CACNA2D3: variants seen among roughly 807,000 people sequenced by gnomAD.
CACNA2D3 encodes voltage-dependent calcium channel subunit alpha-2/delta-3.
In CACNA2D3, 60 loss-of-function variants were observed where a neutral mutation model predicts 160.6. The observed-to-expected ratio is 0.37, with a 90% CI of 0.30 to 0.46. The LOEUF (loss-of-function observed/expected upper bound fraction) is 0.46. Ranked by LOEUF, CACNA2D3 falls within the 20% of genes least tolerant of loss-of-function variation. The pLI is 1.00. For missense variants in CACNA2D3, 1,205 were observed against 1,365.0 expected, an observed-to-expected ratio of 0.88 and a Z score of 1.85; for synonymous variants, 558 against 492.9, an observed-to-expected ratio of 1.13 and a Z score of -1.75.
chr3:54,538,728 C>T (rs776610416), intron 5 of CACNA2D3, among the ~76,000 whole-genome samples: 11 of 152,238 alleles, frequency 7.2e-5, no homozygotes, highest in Non-Finnish European at 1.0e-4. Flanking sequence ...TGCAAAGATG[C>T]GGAGAATTAT....
At chr3:54,816,047 G>C (rs1170749904) in intron 13 of CACNA2D3, among the ~76,000 whole-genome samples, 3 of 152,112 alleles carry the variant, frequency 2.0e-5, no homozygotes, top group African/African-American at 7.2e-5. Context: ...CGTAAATGTT[G>C]ATCTTTTTCC....
chr3:54,492,447 C>T (rs1057097331), intron 4 of CACNA2D3, among the ~76,000 whole-genome samples: 1 of 152,198 alleles, frequency 6.6e-6, no homozygotes, highest in South Asian at 2.1e-4. Context: ...TTTCCCTTAT[C>T]CCAGGCCATA....
At chr3:54,409,120 A>T (rs189346976) in intron 4 of CACNA2D3, among the ~76,000 whole-genome samples, 10 of 152,306 alleles carry the variant, frequency 6.6e-5, no homozygotes, top group Admixed American at 2.6e-4. Flanking sequence ...TGTTTTTACA[A>T]ATTAAAGCTT....
chr3:54,598,346 AAAAG>A (rs1702999534), intron 9 of CACNA2D3, among the ~76,000 whole-genome samples: 1 of 151,070 alleles, frequency 6.6e-6, no homozygotes, highest in Non-Finnish European at 1.5e-5. Flanking sequence ...GAAAGGAAAA[AAAAG>A]AAAAAAGAAA....
chr3:54,829,885 C>CTTTTTTTTTT (rs58291013), intron 14 of CACNA2D3, among the ~76,000 whole-genome samples: 6 of 64,310 alleles, frequency 9.3e-5, no homozygotes, highest in Non-Finnish European at 1.1e-4. Context: ...TCTTCTTCAT[C>CTTTTTTTTTT]TTTTTTTTTT....
At chr3:54,206,728 T>A (rs1264981633) in intron 2 of CACNA2D3, among the ~76,000 whole-genome samples, 1 of 152,224 alleles carries the variant, frequency 6.6e-6, no homozygotes, top group Non-Finnish European at 1.5e-5. Flanking sequence ...ATTTCCTTCC[T>A]GCATTTCCTT....
At chr3:54,832,327 TG>T (rs1703899110) in intron 14 of CACNA2D3, among the ~76,000 whole-genome samples, 1 of 152,184 alleles carries the variant, frequency 6.6e-6, no homozygotes, top group South Asian at 2.1e-4. Flanking sequence ...CAGCCTGGGT[TG>T]GCTGTCCATC....
At chr3:54,461,901 G>C (rs559510796) in intron 4 of CACNA2D3, among the ~76,000 whole-genome samples, 46 of 152,224 alleles carry the variant, frequency 3.0e-4, no homozygotes, top group South Asian at 1.0e-3. Flanking sequence ...CCTGCTTTCT[G>C]TTGTGGGCAT....
At chr3:54,453,478 T>A (rs1227542099) in intron 4 of CACNA2D3, among the ~76,000 whole-genome samples, 1 of 150,212 alleles carries the variant, frequency 6.7e-6, no homozygotes, top group Non-Finnish European at 1.5e-5. Context: ...ACACCATCCC[T>A]CTCAGGACTT....
At chr3:54,324,831 G>C (rs372864987) in intron 3 of CACNA2D3, among the ~76,000 whole-genome samples, 8 of 152,120 alleles carry the variant, frequency 5.3e-5, no homozygotes, top group African/African-American at 1.7e-4. Flanking sequence ...TAGAGGAAAG[G>C]ATATGCACCA....
In CACNA2D3 at chr3:55,073,541, A is replaced by G; in HGVS notation, c.3084A>G (p.Ala1028=). The change falls in exon 36 of 38, where the codon GCA becomes GCG. Residue 1028 remains alanine (A), a synonymous_variant. Coordinates refer to ENST00000474759, the MANE Select transcript of CACNA2D3 (RefSeq NM_018398.3). ...AATCTGTGGCCCCCATCACCATGGC[A>G]CCCATTGAAATCAGGTATATCCTTT... ...LCESVAPITM[A]PIEIRYNESL... The G allele has an allele frequency of 1.2e-6, 2 of 1,613,588 alleles. No homozygotes were observed. Among genetic ancestry groups the G allele is most frequent in the Non-Finnish European group, 1.7e-6 (2 of 1,179,602 alleles).
At chr3:54,870,605 C>T (rs775609186) in intron 17 of CACNA2D3, among the ~76,000 whole-genome samples, 7 of 152,082 alleles carry the variant, frequency 4.6e-5, no homozygotes, top group South Asian at 2.1e-4. Context: ...CAAGAACGTC[C>T]GGTCGATAAA....
At chr3:54,570,315 A>C (rs576165080) in intron 8 of CACNA2D3, among the ~76,000 whole-genome samples, 1 of 152,270 alleles carries the variant, frequency 6.6e-6, no homozygotes, top group Admixed American at 6.5e-5. Flanking sequence ...TGCCTGTCTT[A>C]ACCTACCACA....
intron 2 of CACNA2D3, among the ~76,000 whole-genome samples, chr3:54,149,807 G>A (rs868674971): frequency 9.3e-5 from 14 of 151,024 alleles, no homozygotes; most frequent in Middle Eastern, 3.5e-3. Flanking sequence ...GGGGGAAGAC[G>A]GACAGTGTCT....
chr3:54,861,306 A>C (rs1020601476), intron 17 of CACNA2D3, among the ~76,000 whole-genome samples: 1 of 152,122 alleles, frequency 6.6e-6, no homozygotes, highest in African/African-American at 2.4e-5. Context: ...AAGTTGGAGT[A>C]AAGAGAATTC....
At chr3:54,330,208 A>ATG (rs1491129183) in intron 3 of CACNA2D3, among the ~76,000 whole-genome samples, 24 of 103,598 alleles carry the variant, frequency 2.3e-4, no homozygotes, top group South Asian at 6.9e-4. Context: ...TTTTTAATTG[A>ATG]TATGTGTGTG....
chr3:54,803,151 G>A (rs1009441652), intron 13 of CACNA2D3, among the ~76,000 whole-genome samples: 11 of 152,292 alleles, frequency 7.2e-5, no homozygotes, highest in African/African-American at 1.4e-4. Context: ...AAAGCAGAGC[G>A]CCTCTCCTCC....
At chr3:54,197,089 A>G (rs929306017) in intron 2 of CACNA2D3, among the ~76,000 whole-genome samples, 7 of 152,120 alleles carry the variant, frequency 4.6e-5, no homozygotes, top group Non-Finnish European at 1.0e-4. Flanking sequence ...TTTTAAAGAG[A>G]TTGCATCTCT....
intron 2 of CACNA2D3, among the ~76,000 whole-genome samples, chr3:54,255,587 G>A (rs2107431662): frequency 6.6e-6 from 1 of 152,236 alleles, no homozygotes; most frequent in East Asian, 1.9e-4. Flanking sequence ...TCCTGAAACT[G>A]TTCTCATCAG....
Sources: allele counts gnomAD v4.1 joint callset (sites outside exome capture counted in the v4.1 genomes callset), GRCh38; gene constraint gnomAD v4.1.1; transcripts MANE v1.5; gene names NCBI Gene and HGNC (gene_info 2026-07-23, HGNC 2026-07-21).